CNTN4: variants seen among roughly 807,000 people sequenced by gnomAD.
CNTN4 encodes contactin-4.
Under a neutral mutation model 122.5 loss-of-function variants are expected in CNTN4, and 77 were observed. The ratio of observed to expected loss-of-function variants is 0.63; its 90% CI spans 0.52 to 0.76. The LOEUF (loss-of-function observed/expected upper bound fraction) is 0.76, where lower values mean the gene tolerates loss of function less well. Ranked by LOEUF, CNTN4 falls within the 30% of genes least tolerant of loss-of-function variation. The probability of loss-of-function intolerance (pLI) is 0.00; values close to 1 mark genes in which losing one functional copy is unlikely to be tolerated. For synonymous variants in CNTN4, 512 were observed against 447.0 expected, an observed-to-expected ratio of 1.15 and a Z score of -1.83; for missense variants, 1,256 against 1,259.1, an observed-to-expected ratio of 1.00 and a Z score of 0.04.
chr3:2,411,165 C>G (rs1236624173), intron 3 of CNTN4, among the ~76,000 whole-genome samples: 1 of 152,074 alleles, frequency 6.6e-6, no homozygotes, highest in Admixed American at 6.6e-5. Context: ...ACACTAGGGC[C>G]TATCGGGGTC....
chr3:2,931,654 A>G (rs554177947), intron 13 of CNTN4, among the ~76,000 whole-genome samples: 1 of 152,256 alleles, frequency 6.6e-6, no homozygotes, highest in South Asian at 2.1e-4. Context: ...TTAGAGACAG[A>G]GTCTTGCTCC....
intron 13 of CNTN4, among the ~76,000 whole-genome samples, chr3:2,968,900 T>C (rs1253438969): frequency 6.6e-6 from 1 of 152,220 alleles, no homozygotes. Flanking sequence ...TGTGTATTCA[T>C]CACCACTCTT....
chr3:2,616,092 G>C (rs916973230), intron 4 of CNTN4, among the ~76,000 whole-genome samples: 2 of 149,592 alleles, frequency 1.3e-5, no homozygotes, highest in African/African-American at 4.9e-5. Flanking sequence ...AGGTATATGT[G>C]TGCCATGGTG....
At chr3:2,728,686 C>T (rs758068382) in intron 4 of CNTN4, among the ~76,000 whole-genome samples, 7 of 152,210 alleles carry the variant, frequency 4.6e-5, no homozygotes, top group African/African-American at 7.2e-5. Context: ...GCATGCATAA[C>T]GCAAAAAGCT....
intron 3 of CNTN4, among the ~76,000 whole-genome samples, chr3:2,498,514 T>G (rs1300543949): frequency 1.3e-5 from 2 of 152,006 alleles, no homozygotes; most frequent in Non-Finnish European, 2.9e-5. Flanking sequence ...TCTCGCTTTG[T>G]CACCCAGGCT....
At chr3:2,999,401 G>T (rs915119076) in intron 14 of CNTN4, among the ~76,000 whole-genome samples, 4 of 152,300 alleles carry the variant, frequency 2.6e-5, no homozygotes, top group Non-Finnish European at 5.9e-5. Flanking sequence ...GTGTTGGTTT[G>T]GGGATTGTCT....
chr3:2,678,933 G>A (rs555517365), intron 4 of CNTN4, among the ~76,000 whole-genome samples: 2 of 151,940 alleles, frequency 1.3e-5, no homozygotes, highest in East Asian at 3.9e-4. Flanking sequence ...AAGTACAGCT[G>A]TCATTTTAGC....
chr3:2,589,104 A>T (rs1323629457), intron 4 of CNTN4, among the ~76,000 whole-genome samples: 1 of 152,188 alleles, frequency 6.6e-6, no homozygotes, highest in Non-Finnish European at 1.5e-5. Context: ...GCAATGAGTG[A>T]CATAAAGGGG....
chr3:2,913,839 A>C (rs1262765074), intron 12 of CNTN4, among the ~76,000 whole-genome samples: 1 of 152,248 alleles, frequency 6.6e-6, no homozygotes, highest in Non-Finnish European at 1.5e-5. Context: ...ACTGCTCTCT[A>C]CTACAACAGA....
chr3:2,238,442 T>A (rs568531587), intron 2 of CNTN4, among the ~76,000 whole-genome samples: 1 of 151,966 alleles, frequency 6.6e-6, no homozygotes, highest in Non-Finnish European at 1.5e-5. Flanking sequence ...AAATTTTTAA[T>A]CATAAAATTT....
At chr3:2,780,298 C>T (rs1478847679) in intron 6 of CNTN4, among the ~76,000 whole-genome samples, 1 of 152,134 alleles carries the variant, frequency 6.6e-6, no homozygotes, top group South Asian at 2.1e-4. Context: ...ACTGCATGGA[C>T]CTTTACAGTA....
intron 3 of CNTN4, among the ~76,000 whole-genome samples, chr3:2,416,193 C>A (rs2047405424): frequency 1.3e-5 from 2 of 152,000 alleles, no homozygotes; most frequent in African/African-American, 4.8e-5. Flanking sequence ...CTTATTTCCT[C>A]ATAGTGATCA....
At chr3:2,525,343 A>T (rs1426643179) in intron 3 of CNTN4, among the ~76,000 whole-genome samples, 1 of 152,194 alleles carries the variant, frequency 6.6e-6, no homozygotes, top group East Asian at 1.9e-4. Flanking sequence ...ATTTCTGCAA[A>T]AATTGTCTTT....
At chr3:2,895,976 C>A (rs545241827) in intron 10 of CNTN4, among the ~76,000 whole-genome samples, 1 of 151,874 alleles carries the variant, frequency 6.6e-6, no homozygotes, top group Non-Finnish European at 1.5e-5. Flanking sequence ...GAGTTTGCAG[C>A]GAGCCAAGAT....
intron 4 of CNTN4, among the ~76,000 whole-genome samples, chr3:2,724,332 A>G (rs1162730415): frequency 6.6e-6 from 1 of 152,216 alleles, no homozygotes; most frequent in African/African-American, 2.4e-5. Context: ...CTTACCTGCC[A>G]TAAACTTTAT....
chr3:2,165,387 G>A (rs547580909), intron 2 of CNTN4, among the ~76,000 whole-genome samples: 4 of 151,430 alleles, frequency 2.6e-5, no homozygotes, highest in South Asian at 2.1e-4. Flanking sequence ...CTTTATTGAA[G>A]AATAATTGAA....
intron 2 of CNTN4, among the ~76,000 whole-genome samples, chr3:2,309,878 C>T (rs1488788001): frequency 6.6e-6 from 1 of 152,098 alleles, no homozygotes; most frequent in South Asian, 2.1e-4. Context: ...TTCTGGCATG[C>T]TTGCTTTCAT....
At chr3:2,716,568 A>G (rs1369463509) in intron 4 of CNTN4, among the ~76,000 whole-genome samples, 1 of 152,170 alleles carries the variant, frequency 6.6e-6, no homozygotes, top group Non-Finnish European at 1.5e-5. Flanking sequence ...TAAGGACTTC[A>G]TAAAAATTGG....
At chr3:2,219,230 C>G (rs998976474) in intron 2 of CNTN4, among the ~76,000 whole-genome samples, 1 of 152,136 alleles carries the variant, frequency 6.6e-6, no homozygotes, top group Non-Finnish European at 1.5e-5. Context: ...TTGTTTAACA[C>G]AATCATCTTA....
Sources: allele counts gnomAD v4.1 joint callset (sites outside exome capture counted in the v4.1 genomes callset), GRCh38; gene constraint gnomAD v4.1.1; transcripts MANE v1.5; gene names NCBI Gene and HGNC (gene_info 2026-07-23, HGNC 2026-07-21).